Variants in PIWIL1 observed in about 807,000 individuals in gnomAD.
PIWIL1 encodes the protein piwi-like protein 1.
Under a neutral mutation model 114.4 loss-of-function variants are expected in PIWIL1, and 73 were observed. That is an observed-to-expected ratio of 0.64 (90% confidence interval 0.53 to 0.78). The LOEUF is 0.78. Among genes scored for constraint, PIWIL1 ranks in the 30% least tolerant of loss-of-function variants. The pLI, the probability that PIWIL1 is intolerant of heterozygous loss-of-function variation, is 0.00. For synonymous variants in PIWIL1, 375 were observed against 369.0 expected (o/e 1.02, Z -0.19); for missense variants, 723 against 1,063.1 (o/e 0.68, Z 4.45).
chr12:130,355,051 G>T, intron 11 of PIWIL1, 46 bp downstream of exon 11: 1 of 1,178,264 alleles, frequency 8.5e-7, no homozygotes, highest in Non-Finnish European at 1.3e-6. Context: ...TTTGTGTTTA[G>T]TATTTTATGT....
chr12:130,422,471 C>A, the PIWIL1 span: 1 of 1,611,410 alleles, frequency 6.2e-7, no homozygotes, highest in Non-Finnish European at 8.5e-7. This position sits in a 1 kb window ranked among gnomAD's most constrained non-coding sequence, Gnocchi z 5.2. Context: ...GGGACTGTCA[C>A]GGGCCGGGAC....
the PIWIL1 span, among the ~76,000 whole-genome samples, chr12:130,409,335 T>TC: frequency 2.0e-5 from 2 of 98,518 alleles, no homozygotes; most frequent in African/African-American, 4.3e-5. Context: ...AATGTAGCTT[T>TC]TTTTTTTTTT....
At chr12:130,372,641 C>T (rs565564368), downstream of PIWIL1, 2 of 125,772 alleles carry the variant, frequency 1.6e-5, no homozygotes, top group African/African-American at 6.3e-5. Context: ...AAAAAAAAAG[C>T]TCAATTAGTG....
At chr12:130,368,689 G>C (rs1360173639) in intron 19 of PIWIL1, among the ~76,000 whole-genome samples, 1 of 152,086 alleles carries the variant, frequency 6.6e-6, no homozygotes, top group Non-Finnish European at 1.5e-5. Flanking sequence ...AACGACCCCC[G>C]ATGCTTTCCA....
the PIWIL1 span, among the ~76,000 whole-genome samples, chr12:130,390,790 C>G: frequency 1.4e-4 from 21 of 152,282 alleles, 1 homozygote; most frequent in South Asian, 4.4e-3. Context: ...TTTTCTTTCT[C>G]TCCTCTCAAA....
chr12:130,412,113 T>A, the PIWIL1 span, among the ~76,000 whole-genome samples: 2 of 152,280 alleles, frequency 1.3e-5, no homozygotes, highest in Admixed American at 1.3e-4. Context: ...AAAATAGTTT[T>A]GCTGCATTCT....
In PIWIL1 at chr12:130,371,768, A is replaced by T; in HGVS notation, c.*170A>T. ...TGCTATTCACCGGCTTCCTTATTTT[A>T]TACGTAAAAATTAAGATTTTATATT... is the stretch of plus-strand genomic sequence containing the variant. On this transcript the variant is annotated 3_prime_UTR_variant, in exon 21 of 21. Coordinates refer to ENST00000245255, the MANE Select transcript of PIWIL1 (RefSeq NM_004764.5). 1 of 430,864 alleles carries T rather than the reference A, an allele frequency of 2.3e-6. No individual in the cohort carries two copies. The allele number at this position is 430,864 out of a possible 1,614,324, so 26.7% of individuals were successfully genotyped here.
chr12:130,400,105 A>G, the PIWIL1 span, among the ~76,000 whole-genome samples: 70 of 152,086 alleles, frequency 4.6e-4, no homozygotes, highest in Non-Finnish European at 8.4e-4. Context: ...TTCTGAAGGA[A>G]ACACTCCTTG....
At chr12:130,362,683 G>A (rs1412285335) in intron 16 of PIWIL1, 83 bp from the exon 17 acceptor site, 9 of 1,178,860 alleles carry the variant, frequency 7.6e-6, no homozygotes, top group Non-Finnish European at 1.1e-5. Context: ...ATTGCTAAGA[G>A]TGAAATAAAT....
the PIWIL1 span, among the ~76,000 whole-genome samples, chr12:130,381,348 C>A: frequency 6.6e-6 from 1 of 152,186 alleles, no homozygotes; most frequent in African/African-American, 2.4e-5. Flanking sequence ...CCCTCCAACC[C>A]GTTGTAACCA....
the PIWIL1 span, among the ~76,000 whole-genome samples, chr12:130,409,622 C>T: frequency 6.6e-6 from 1 of 152,110 alleles, no homozygotes. Context: ...GGATTACAGG[C>T]GTGAGCCACT....
Position 130,363,015 on chromosome 12 carries a change from G to A in PIWIL1, c.2066G>A (p.Cys689Tyr), listed in dbSNP as rs186261053. ...GCGGCTCTGAGGGCTTGGAATAGCT[G>A]CAATGAGTACATGCCCAGCCGGATC... ...LQAALRAWNS[C>Y]NEYMPSRIIV... The change falls in exon 18 of 21, where the codon TGC becomes TAC. Residue 689 changes from cysteine (C) to tyrosine (Y), a missense_variant. Cys to Tyr is a radical substitution (Grantham distance 194, BLOSUM62 -2). Transcript: ENST00000245255. 14 of 1,614,090 alleles carry A rather than the reference G, an allele frequency of 8.7e-6. No homozygotes were observed. In the African/African-American group the frequency reaches 1.5e-4, roughly 17 times the overall value.
chr12:130,406,329 A>G, the PIWIL1 span: 2 of 851,544 alleles, frequency 2.3e-6, no homozygotes, highest in African/African-American at 3.4e-5. Flanking sequence ...GCTTTCCCTT[A>G]CTATTTGAGA....
the PIWIL1 span, among the ~76,000 whole-genome samples, chr12:130,422,799 G>A: frequency 0.05 from 7,659 of 152,046 alleles, 469 homozygotes; most frequent in Admixed American, 0.19. The surrounding 1 kb of genome is among the most constrained non-coding windows in gnomAD (Gnocchi z 5.2). Context: ...AATTCCTTGT[G>A]GGGGGGTCTC....
At position 130,354,895 on chromosome 12, in the gene PIWIL1, T is replaced by A. The variant is rs1440469276; in HGVS notation, c.1179T>A (p.Thr393=). The change falls in exon 11 of 21, where the codon ACT becomes ACA. Residue 393 remains threonine (T), a synonymous_variant. Coordinates refer to ENST00000245255, the MANE Select transcript of PIWIL1 (RefSeq NM_004764.5). The part of the protein sequence containing the change: ...IPELCYLTGL[T]DKMRNDFNVM... The stretch of plus-strand genomic sequence containing the variant: ...TAAATGTCTTATTTAAAGGTCTAAC[T>A]GATAAAATGCGTAATGATTTTAACG... The A allele has an allele frequency of 6.2e-7, 1 of 1,608,432 alleles. No homozygotes were observed.
At chr12:130,397,588 C>T in the PIWIL1 span, 8 of 398,566 alleles carry the variant, frequency 2.0e-5, no homozygotes, top group African/African-American at 4.1e-5. Context: ...AGTGTGTGAG[C>T]GCCAACAACA....
At chr12:130,399,833 G>A in the PIWIL1 span, 1 of 1,613,240 alleles carries the variant, frequency 6.2e-7, no homozygotes, top group South Asian at 1.1e-5. Flanking sequence ...CAGGGGTGAG[G>A]CAGAAGAACT....
At chr12:130,378,056 G>T in the PIWIL1 span, among the ~76,000 whole-genome samples, 1 of 152,240 alleles carries the variant, frequency 6.6e-6, no homozygotes, top group Non-Finnish European at 1.5e-5. Context: ...AATGAATACA[G>T]TGTAATGAGT....
downstream of PIWIL1, among the ~76,000 whole-genome samples, chr12:130,374,970 A>G (rs4759665): frequency 0.95 from 144,770 of 152,142 alleles, 69,253 homozygotes; most frequent in East Asian, 1. Flanking sequence ...CTCGTCTGCC[A>G]AGGTCTGGAG....
Sources: gnomAD v4.1 joint callset for allele counts (sites outside exome capture counted in the v4.1 genomes callset) on GRCh38, gnomAD v4.1.1 for gene constraint, Gnocchi (gnomAD v3.1) non-coding constraint, MANE v1.5 for transcripts, NCBI Gene and HGNC (gene_info 2026-07-23, HGNC 2026-07-21) for gene names.